GTF3C5: variants seen among roughly 807,000 people sequenced by gnomAD.
The protein encoded by GTF3C5 is general transcription factor 3C polypeptide 5.
In GTF3C5, 47 loss-of-function variants were observed where a neutral mutation model predicts 61.0. The ratio of observed to expected loss-of-function variants is 0.77; its 90% CI spans 0.61 to 0.98. The LOEUF is 0.98. Ranked by LOEUF, GTF3C5 falls within the 50% of genes least tolerant of loss-of-function variation. The pLI is 0.00. For missense variants in GTF3C5, 659 were observed against 703.3 expected, an observed-to-expected ratio of 0.94 and a Z score of 0.71; for synonymous variants, 295 against 275.4, an observed-to-expected ratio of 1.07 and a Z score of -0.71.
Position 133,054,495 on chromosome 9 carries a change from G to A in GTF3C5, c.1069+7G>A, listed in dbSNP as rs368226509. 42 of 1,613,224 alleles carry A rather than the reference G, an allele frequency of 2.6e-5. No individual in the cohort carries two copies. The highest frequency in any genetic ancestry group is 1.3e-4 in the East Asian group (6 of 44,886). ...ATCACCGTCAAGAAGACATGTAAGC[G>A]TGCCAGGCGCCTTTTGTGGGTCATG... On this transcript the variant is annotated splice_region_variant and intron_variant, in intron 7 of 10. Transcript: ENST00000372097.
intron 3 of GTF3C5, among the ~76,000 whole-genome samples, chr9:133,048,990 G>A (rs548580661): frequency 1.3e-5 from 2 of 152,238 alleles, no homozygotes; most frequent in Non-Finnish European, 2.9e-5. Context: ...TTCCTGGGGA[G>A]ATTGAGCTTC....
At position 133,043,824 on chromosome 9, in the gene GTF3C5, A is replaced by G. The variant is rs751042827; in HGVS notation, c.470A>G (p.Glu157Gly). The change falls in exon 3 of 11, where the codon GAG becomes GGG. Residue 157 changes from glutamate to glycine, a missense_variant. Glu to Gly is a moderately conservative substitution (Grantham distance 98, BLOSUM62 -2). Coordinates refer to ENST00000372097, the MANE Select transcript of GTF3C5 (RefSeq NM_012087.4). The part of the protein sequence containing the change: ...DKVLMLRPEK[E>G]AFFHQELPLY... ...GTGCTCATGCTCCGGCCCGAGAAGG[A>G]GGCCTTTTTCCACCAGGAGCTGCCG... The G allele has an allele frequency of 6.2e-7, 1 of 1,613,978 alleles. No individual in the cohort carries two copies. The highest frequency in any genetic ancestry group is 8.5e-7 in the Non-Finnish European group (1 of 1,179,904).
At chr9:133,055,301 CT>C (rs1829902360) in intron 8 of GTF3C5, 1 of 1,396,362 alleles carries the variant, frequency 7.2e-7, no homozygotes, top group African/African-American at 1.4e-5. Flanking sequence ...CTCCACAGCC[CT>C]GGGGGAGGCC....
At chr9:133,046,820 T>C (rs1850221671) in intron 3 of GTF3C5, among the ~76,000 whole-genome samples, 1 of 151,956 alleles carries the variant, frequency 6.6e-6, no homozygotes, top group Non-Finnish European at 1.5e-5. Flanking sequence ...CAGGTGAAGA[T>C]CCAGGGAGAA....
In GTF3C5 at chr9:133,056,836, C is replaced by T. The variant is rs1490861530; in HGVS notation, c.1321C>T (p.Pro441Ser). 1.9e-6 allele frequency: 3 copies of T among 1,612,230 alleles called. No homozygotes were observed. Among genetic ancestry groups the T allele is most frequent in the African/African-American group, 2.7e-5 (2 of 74,868 alleles). Residue 441 changes from proline to serine, a missense_variant, in exon 10 of 11, where the codon CCC (proline) becomes TCC (serine). Physicochemically the swap from Pro to Ser is moderately conservative, Grantham distance 74. Coordinates refer to ENST00000372097, the MANE Select transcript of GTF3C5 (RefSeq NM_012087.4). The stretch of plus-strand genomic sequence containing the variant: ...CACAGAACGGGATGGGTGGTGCCTC[C>T]CCAAGACCAGCGACGAGCTCAGGGA... ...SCTERDGWCL[P>S]KTSDELRDTM... is the part of the protein sequence containing the mutation.
At chr9:133,049,629 G>A (rs1007500905) in intron 3 of GTF3C5, among the ~76,000 whole-genome samples, 8 of 152,080 alleles carry the variant, frequency 5.3e-5, no homozygotes, top group African/African-American at 1.9e-4. Flanking sequence ...TCTTTACACT[G>A]GCCTGCCTGC....
At chr9:133,051,019 C>G (rs774527805) in intron 4 of GTF3C5, 41 bp downstream of exon 4, 2 of 1,462,164 alleles carry the variant, frequency 1.4e-6, no homozygotes, top group Non-Finnish European at 1.8e-6. Context: ...GCTCCAGCCT[C>G]TCTGTTGGCT....
rs182627267 is a variant in GTF3C5 at position 133,031,047 on chromosome 9, C to A, written c.36C>A (p.Ala12=). ...AGGCGGCCGATTTGGGGCTGGGGGC[C>A]GCCGTCCCCGTGGAGCTGAGGCGGG... ...AAEAADLGLG[A]AVPVELRRER... Residue 12 remains alanine, a synonymous_variant, in exon 1 of 11, where the codon GCC becomes GCA. Coordinates refer to ENST00000372097, the MANE Select transcript of GTF3C5 (RefSeq NM_012087.4). The A allele has an allele frequency of 3.7e-6, 6 of 1,612,050 alleles. No individual in the cohort carries two copies. Among genetic ancestry groups the A allele is most frequent in the Admixed American group, 1.7e-5 (1 of 59,884 alleles).
At chr9:133,039,308 GA>G (rs926691330) in intron 1 of GTF3C5, among the ~76,000 whole-genome samples, 4 of 151,566 alleles carry the variant, frequency 2.6e-5, no homozygotes, top group East Asian at 1.9e-4. Context: ...AAGAAAAAAG[GA>G]AAAAAAAATT....
At chr9:133,042,827 C>T (rs1231405908) in intron 2 of GTF3C5, among the ~76,000 whole-genome samples, 1 of 152,246 alleles carries the variant, frequency 6.6e-6, no homozygotes, top group Non-Finnish European at 1.5e-5. Flanking sequence ...CAGACTCTGG[C>T]ATTGTGCCTG....
intron 5 of GTF3C5, among the ~76,000 whole-genome samples, chr9:133,052,406 CT>C (rs1182437981): frequency 1.5e-5 from 2 of 136,822 alleles, no homozygotes; most frequent in Non-Finnish European, 3.1e-5. Context: ...TCCTTCCCCC[CT>C]GTCCTGGCCC....
intron 3 of GTF3C5, among the ~76,000 whole-genome samples, chr9:133,048,138 A>T (rs977049050): frequency 2.0e-5 from 3 of 149,486 alleles, no homozygotes; most frequent in African/African-American, 2.5e-5. Flanking sequence ...TAAAAAAAAA[A>T]AGTGGTTTTT....
chr9:133,056,964 C>T (rs956408981), intron 10 of GTF3C5, 56 bp downstream of exon 10: 12 of 1,484,940 alleles, frequency 8.1e-6, no homozygotes, highest in Non-Finnish European at 1.1e-5. Context: ...TCCTTTGAGA[C>T]AGAGGTGTCC....
chr9:133,032,536 AAC>A (rs1388742214), intron 1 of GTF3C5, among the ~76,000 whole-genome samples: 2 of 151,692 alleles, frequency 1.3e-5, no homozygotes, highest in African/African-American at 4.9e-5. Flanking sequence ...CACTGTATAG[AAC>A]AGTTTCCCCC....
At chr9:133,044,024 A>C in intron 3 of GTF3C5, 98 bp downstream of exon 3, 1 of 842,054 alleles carries the variant, frequency 1.2e-6, no homozygotes, top group Non-Finnish European at 1.9e-6. Context: ...GCACACCTGT[A>C]ATTCCAGCTA....
rs1485269885 is a variant in GTF3C5, at chr9:133,031,033, T to C, written c.22T>C (p.Leu8=). ...AGGGATGGCGGCGGAGGCGGCCGAT[T>C]TGGGGCTGGGGGCCGCCGTCCCCGT... MAAEAAD[L]GLGAAVPVEL... The change falls in exon 1 of 11, where the codon TTG becomes CTG. Residue 8 remains leucine, a synonymous_variant. Transcript: ENST00000372097. The C allele has an allele frequency of 6.2e-7, 1 of 1,612,262 alleles. No individual in the cohort carries two copies. The highest frequency in any genetic ancestry group is 8.5e-7 in the Non-Finnish European group (1 of 1,179,226).
intron 8 of GTF3C5, chr9:133,055,677 C>G: frequency 1.0e-6 from 1 of 985,426 alleles, no homozygotes. Context: ...GGGATAAGGT[C>G]AGAGTGCAGG....
At chr9:133,037,523 G>A (rs192058317) in intron 1 of GTF3C5, among the ~76,000 whole-genome samples, 1 of 142,344 alleles carries the variant, frequency 7.0e-6, no homozygotes, top group Admixed American at 6.8e-5. Context: ...TATGTATGGT[G>A]GGGGGGTGGG....
In GTF3C5 at chr9:133,031,123, A is replaced by G; in HGVS notation, c.112A>G (p.Lys38Glu). The change falls in exon 1 of 11, where the codon AAG becomes GAG. Residue 38 changes from lysine (K) to glutamate (E), a missense_variant. Lys to Glu is a moderately conservative substitution (Grantham distance 56, BLOSUM62 1). Transcript: ENST00000372097. ...EYPGVVRDVA[K>E]MLPTLGGEEG... ...CCCGGGAGTGGTGCGTGATGTGGCT[A>G]AGATGCTGCCGACTCTGGGCGGCGA... The G allele has an allele frequency of 6.3e-7, 1 of 1,599,768 alleles. No homozygotes were observed. Among genetic ancestry groups the G allele is most frequent in the Non-Finnish European group, 8.5e-7 (1 of 1,172,358 alleles).
Sources: allele counts gnomAD v4.1 joint callset (sites outside exome capture counted in the v4.1 genomes callset), GRCh38; gene constraint gnomAD v4.1.1; transcripts MANE v1.5; gene names NCBI Gene and HGNC (gene_info 2026-07-23, HGNC 2026-07-21).